The following MARCHF1 variants were observed in gnomAD, a reference collection of about 807,000 sequenced individuals.
The protein encoded by MARCHF1 is E3 ubiquitin-protein ligase MARCHF1.
MARCHF1 carries 40 observed loss-of-function variants against 54.2 expected under a neutral mutation model. That is an observed-to-expected ratio of 0.74 (90% CI 0.57 to 0.96). The LOEUF (loss-of-function observed/expected upper bound fraction) is 0.96, where lower values mean the gene tolerates loss of function less well. Among genes scored for constraint, MARCHF1 ranks in the 40% least tolerant of loss-of-function variants. MARCHF1 has a pLI of 0.00. For missense variants in MARCHF1, 586 were observed against 656.5 expected (o/e 0.89, Z 1.17); for synonymous variants, 236 against 236.3 (o/e 1.00, Z 0.01).
In MARCHF1 at chr4:163,989,471, C is replaced by G. The variant is rs182652092; in HGVS notation, c.-247-762G>C. Among the ~76,000 whole-genome samples, 438 of 152,252 alleles carry G rather than the reference C, an allele frequency of 2.9e-3. 2 individuals are homozygous for G. Among genetic ancestry groups the G allele is most frequent in the African/African-American group, 9.8e-3 (409 of 41,560 alleles). ...TAGAGCTCTATACTACTCATTTCAG[C>G]TTTATTGCAACTTCTGTGCTCCCCG... is the stretch of plus-strand genomic sequence containing the variant. On this transcript the variant is annotated intron_variant, in intron 2 of 9. Transcript: ENST00000514618.
chr4:164,080,385 CATT>C (rs1231169183), intron 2 of MARCHF1, among the ~76,000 whole-genome samples: 4 of 152,152 alleles, frequency 2.6e-5, no homozygotes, highest in African/African-American at 9.7e-5. Flanking sequence ...TTTAGTTATA[CATT>C]AATAGATCTT....
At chr4:164,055,804 C>T (rs1754477407) in intron 2 of MARCHF1, among the ~76,000 whole-genome samples, 1 of 152,052 alleles carries the variant, frequency 6.6e-6, no homozygotes, top group Non-Finnish European at 1.5e-5. Flanking sequence ...ATTTTATATC[C>T]TCATTATAAT....
At chr4:164,265,585 A>G (rs970863423) in intron 1 of MARCHF1, among the ~76,000 whole-genome samples, 15 of 151,484 alleles carry the variant, frequency 9.9e-5, no homozygotes, top group African/African-American at 3.7e-4. Flanking sequence ...CTTTCTGCTT[A>G]TGACTCAATT....
chr4:164,061,397 T>C (rs975105456), intron 2 of MARCHF1, among the ~76,000 whole-genome samples: 1 of 151,810 alleles, frequency 6.6e-6, no homozygotes, highest in African/African-American at 2.4e-5. Flanking sequence ...GTAGGTTCAA[T>C]TCCTAGCCAC....
intron 1 of MARCHF1, among the ~76,000 whole-genome samples, chr4:164,183,359 C>T (rs929502556): frequency 6.6e-5 from 10 of 152,060 alleles, no homozygotes; most frequent in African/African-American, 2.4e-4. Context: ...ACTTTTTGAT[C>T]CACTGAGTAT....
intron 1 of MARCHF1, among the ~76,000 whole-genome samples, chr4:164,379,197 A>G (rs1731292344): frequency 6.6e-6 from 1 of 152,202 alleles, no homozygotes; most frequent in Admixed American, 6.5e-5. Flanking sequence ...AAAAAATCAA[A>G]TGTACACTTG....
chr4:163,599,938 C>T (rs1380678085), intron 7 of MARCHF1, among the ~76,000 whole-genome samples: 1 of 152,178 alleles, frequency 6.6e-6, no homozygotes, highest in Non-Finnish European at 1.5e-5. Context: ...CTGTTGAAAG[C>T]TACTGTATTT....
chr4:163,746,656 C>G (rs552838127), intron 4 of MARCHF1, among the ~76,000 whole-genome samples: 6 of 152,218 alleles, frequency 3.9e-5, no homozygotes, highest in African/African-American at 1.4e-4. Flanking sequence ...TGGTTTTTTG[C>G]TCTCCCTTTT....
chr4:163,775,912 G>A (rs2110885593), intron 4 of MARCHF1, among the ~76,000 whole-genome samples: 1 of 152,278 alleles, frequency 6.6e-6, no homozygotes, highest in East Asian at 1.9e-4. Context: ...AGGTGATCAA[G>A]CTAGAAGATG....
intron 3 of MARCHF1, among the ~76,000 whole-genome samples, chr4:163,881,719 G>T (rs935714922): frequency 2.4e-4 from 34 of 139,552 alleles, no homozygotes; most frequent in African/African-American, 8.5e-4. Flanking sequence ...TACTATCCAG[G>T]AATGTATGGA....
At chr4:163,758,372 A>T (rs961409409) in intron 4 of MARCHF1, among the ~76,000 whole-genome samples, 1 of 152,220 alleles carries the variant, frequency 6.6e-6, no homozygotes, top group Non-Finnish European at 1.5e-5. Context: ...AGTGGGGTCC[A>T]GTCTCCACAT....
intron 5 of MARCHF1, among the ~76,000 whole-genome samples, chr4:163,662,163 T>A (rs1444155894): frequency 6.6e-6 from 1 of 152,044 alleles, no homozygotes; most frequent in Non-Finnish European, 1.5e-5. Context: ...ATCTGGAAAT[T>A]ATGTCTTTAA....
At chr4:163,753,100 A>G (rs1403113885) in intron 4 of MARCHF1, among the ~76,000 whole-genome samples, 1 of 152,156 alleles carries the variant, frequency 6.6e-6, no homozygotes, top group Non-Finnish European at 1.5e-5. Context: ...ATAACAAAAT[A>G]AAATAACAAA....
intron 4 of MARCHF1, among the ~76,000 whole-genome samples, chr4:163,720,149 T>C (rs1017637983): frequency 2.0e-4 from 31 of 152,226 alleles, no homozygotes; most frequent in Admixed American, 2.0e-3. Flanking sequence ...TCTAGGGTTT[T>C]TATGGTTTTA....
intron 7 of MARCHF1, among the ~76,000 whole-genome samples, chr4:163,596,180 A>G (rs576612353): frequency 1.3e-5 from 2 of 152,222 alleles, no homozygotes; most frequent in Admixed American, 6.5e-5. Context: ...TTATGGAGGA[A>G]GAGAGCAAAG....
intron 8 of MARCHF1, among the ~76,000 whole-genome samples, chr4:163,557,860 A>G (rs529739882): frequency 1.3e-5 from 2 of 152,320 alleles, no homozygotes; most frequent in African/African-American, 4.8e-5. Flanking sequence ...TAAATGTTAA[A>G]CCAATCTAAT....
At chr4:163,742,680 G>T (rs891561652) in intron 4 of MARCHF1, among the ~76,000 whole-genome samples, 6 of 151,930 alleles carry the variant, frequency 3.9e-5, no homozygotes, top group Non-Finnish European at 7.4e-5. Context: ...GTCTCATTAT[G>T]TTGTCCAGGT....
chr4:164,069,702 T>C lies in MARCHF1; in HGVS notation c.-248+41886A>G, dbSNP rs1246282709. On this transcript the variant is annotated intron_variant, in intron 2 of 9. Coordinates refer to ENST00000514618, the MANE Select transcript of MARCHF1 (RefSeq NM_001394959.1). ...CTGTAACACTCACCGCGAGGGTCCA[T>C]GGCTTCATTCTTGAAGTCAGTGAGA... is the stretch of plus-strand genomic sequence containing the variant. Among the ~76,000 whole-genome samples, 4 of 152,272 alleles carry C rather than the reference T, an allele frequency of 2.6e-5. No individual in the cohort carries two copies. The East Asian group carries it at 7.7e-4, about 29-fold the overall frequency.
intron 3 of MARCHF1, among the ~76,000 whole-genome samples, chr4:163,904,824 T>A (rs76802931): frequency 1.4e-3 from 196 of 142,378 alleles, no homozygotes; most frequent in African/African-American, 4.7e-3. Flanking sequence ...AGAGAATGAA[T>A]GTGTTTGCAT....
Sources: allele counts gnomAD v4.1 joint callset (sites outside exome capture counted in the v4.1 genomes callset), GRCh38; gene constraint gnomAD v4.1.1; transcripts MANE v1.5; gene names NCBI Gene and HGNC (gene_info 2026-07-23, HGNC 2026-07-21).